Variants in PNPLA7 observed in about 807,000 individuals in gnomAD.
The protein encoded by PNPLA7 is patatin-like phospholipase domain-containing protein 7.
A neutral mutation model predicts 161.7 loss-of-function variants in PNPLA7; 153 were observed. The observed-to-expected ratio is 0.95, with a 90% confidence interval of 0.83 to 1.08. PNPLA7 has a LOEUF of 1.08. PNPLA7 is among the 50% of genes least tolerant of loss of function. The pLI, the probability that PNPLA7 is intolerant of heterozygous loss-of-function variation, is 0.00. For synonymous variants in PNPLA7, 809 were observed against 782.1 expected, an observed-to-expected ratio of 1.03 and a Z score of -0.57; for missense variants, 1,739 against 1,856.6, an observed-to-expected ratio of 0.94 and a Z score of 1.16.
Position 137,462,038 on chromosome 9 carries a change from C to A in PNPLA7, c.3649G>T (p.Val1217Leu). Reference protein sequence around the residue: ...DFGKFNEICEVGYQHGRTVFD... With the variant: ...DFGKFNEICELGYQHGRTVFD... ...ACCGTGCGCCCGTGCTGGTAGCCCA[C>A]TTCCTGTGCACACCCCCAGGGCCCC... The change falls in exon 32 of 35, where the codon GTG becomes TTG. Residue 1217 changes from valine to leucine, a missense_variant. Physicochemically the swap from Val to Leu is conservative, Grantham distance 32. This residue lies in a region of PNPLA7 where 703 missense variants were observed against 694.6 expected (regional missense o/e 1.01). Transcript: ENST00000406427. 6.3e-7 allele frequency: 1 copy of A among 1,592,200 alleles called. No individual in the cohort carries two copies.
chr9:137,478,871 C>T (rs545374332), intron 24 of PNPLA7, 185 bp downstream of exon 24: 7 of 855,802 alleles, frequency 8.2e-6, no homozygotes, highest in African/African-American at 3.5e-5. Flanking sequence ...GCTTCCTAGC[C>T]GTGGCCACCA....
chr9:137,462,710 C>CA lies in PNPLA7; in HGVS notation c.3466dup (p.Trp1156LeufsTer36), dbSNP rs1435011744. 1 of 1,613,800 alleles carries CA rather than the reference C, an allele frequency of 6.2e-7. No individual in the cohort carries two copies. Among genetic ancestry groups the CA allele is most frequent in the Non-Finnish European group, 8.5e-7 (1 of 1,180,008 alleles). Reference sequence around the variant, plus strand: ...CTTGACTTTCGTGGCCAAGGGGTTCCAGCGTTTCCACAGCAGCCACCACCC... The same window carrying CA: ...CTTGACTTTCGTGGCCAAGGGGTTCCAAGCGTTTCCACAGCAGCCACCACCC... On this transcript the variant is annotated frameshift_variant, in exon 30 of 35. Coordinates refer to ENST00000406427, the MANE Select transcript of PNPLA7 (RefSeq NM_001098537.3). LOFTEE classifies it high-confidence loss of function.
At chr9:137,491,845 T>A (rs1832778578) in intron 20 of PNPLA7, 1 of 985,168 alleles carries the variant, frequency 1.0e-6, no homozygotes, top group South Asian at 4.7e-5. Flanking sequence ...GGTCATGCAA[T>A]GTGTCGGGGG....
At chr9:137,496,359 G>A (rs2132254951) in intron 18 of PNPLA7, among the ~76,000 whole-genome samples, 1 of 151,936 alleles carries the variant, frequency 6.6e-6, no homozygotes. Flanking sequence ...CACCCACCTT[G>A]GCCTCCCAAA....
At position 137,540,660 on chromosome 9, in the gene PNPLA7, G is replaced by A; in HGVS notation, c.729C>T (p.Ser243=). Residue 243 remains serine (S), a synonymous_variant, in exon 8 of 35, where the codon AGC becomes AGT. Coordinates refer to ENST00000406427, the MANE Select transcript of PNPLA7 (RefSeq NM_001098537.3). The surrounding 1 kb of genome is among the most constrained non-coding windows in gnomAD (Gnocchi z 5.1). ...LAGDSVHSLL[S]ILDIITGHAA... ...GACTCACGGTGATGATGTCCAGGAT[G>A]CTGAGCAGGCTGTGGACGCTGTCTC... 6.2e-7 allele frequency: 1 copy of A among 1,611,976 alleles called. No individual in the cohort carries two copies. Among genetic ancestry groups the A allele is most frequent in the South Asian group, 1.1e-5 (1 of 90,732 alleles).
chr9:137,500,664 C>T lies in PNPLA7; in HGVS notation c.1757+27G>A, dbSNP rs1038070916. 5.6e-6 allele frequency: 9 copies of T among 1,608,058 alleles called. No individual in the cohort carries two copies. Among genetic ancestry groups the T allele is most frequent in the Admixed American group, 1.7e-5 (1 of 59,694 alleles). On this transcript the variant is annotated intron_variant, in intron 16 of 34. Transcript: ENST00000406427. The surrounding 1 kb of genome is among the most constrained non-coding windows in gnomAD (Gnocchi z 5.5). ...CAGGGCAGGGGGGGCTGGGGCCCGC[C>T]CTGAGGTCCTGGCCCGTGGGACTCA...
At chr9:137,469,778 G>C (rs1453109717) in intron 25 of PNPLA7, among the ~76,000 whole-genome samples, 1 of 152,170 alleles carries the variant, frequency 6.6e-6, no homozygotes, top group Non-Finnish European at 1.5e-5. Context: ...CCAATTCGAC[G>C]GACAGCCCGG....
intron 23 of PNPLA7, 111 bp downstream of exon 23, chr9:137,480,201 T>TATC: frequency 1.4e-6 from 2 of 1,404,598 alleles, no homozygotes; most frequent in Non-Finnish European, 1.9e-6. Flanking sequence ...TGTTGGCTCT[T>TATC]ATCATCTGTC....
chr9:137,503,628 G>C (rs887417349), intron 14 of PNPLA7, among the ~76,000 whole-genome samples: 2 of 143,642 alleles, frequency 1.4e-5, no homozygotes, highest in Non-Finnish European at 3.1e-5. Flanking sequence ...GGGAGAAGGA[G>C]GAGGGAGAAG....
rs1836193045 is a variant in PNPLA7, at chr9:137,541,367, C to CT, written c.667-646dup. On this transcript the variant is annotated intron_variant, in intron 7 of 34. Coordinates refer to ENST00000406427, the MANE Select transcript of PNPLA7 (RefSeq NM_001098537.3). The surrounding 1 kb of genome is among the most constrained non-coding windows in gnomAD (Gnocchi z 4.4). ...ACTGGCTCCAGCTTCCCCCAAGCCC[C>CT]TTTCCCTTCTAATAACCCATCAAGT... 1.0e-6 allele frequency: 1 copy of CT among 963,342 alleles called. No homozygotes were observed. The highest frequency in any genetic ancestry group is 6.2e-5 in the Admixed American group (1 of 16,238). The allele number at this position is 963,342 out of a possible 1,614,324, so 59.7% of individuals were successfully genotyped here.
intron 8 of PNPLA7, among the ~76,000 whole-genome samples, chr9:137,534,979 C>T (rs920609195): frequency 1.3e-5 from 2 of 152,110 alleles, no homozygotes; most frequent in East Asian, 1.9e-4. Flanking sequence ...TCCCTCCAAC[C>T]GCACGTTTTT....
Position 137,476,371 on chromosome 9 carries a change from G to C in PNPLA7, c.2882+1663C>G, listed in dbSNP as rs1831943848. 6.6e-6 allele frequency among the ~76,000 whole-genome samples: 1 copy of C among 152,168 alleles called. No individual in the cohort carries two copies. Among genetic ancestry groups the C allele is most frequent in the African/African-American group, 2.4e-5 (1 of 41,428 alleles). On this transcript the variant is annotated intron_variant, in intron 25 of 34. Coordinates refer to ENST00000406427, the MANE Select transcript of PNPLA7 (RefSeq NM_001098537.3). The surrounding 1 kb of genome is among the most constrained non-coding windows in gnomAD (Gnocchi z 4.5). ...TGTCATAACAACACAGACAGTGAGT[G>C]CTGGCTAACTAGTGATGGGACCACA... is the stretch of plus-strand genomic sequence containing the variant.
intron 21 of PNPLA7, among the ~76,000 whole-genome samples, chr9:137,482,453 G>A (rs879633350): frequency 1.1e-4 from 16 of 152,258 alleles, no homozygotes; most frequent in Admixed American, 2.0e-4. Context: ...TTGCGTGCAC[G>A]TGACTGAGTG....
intron 23 of PNPLA7, chr9:137,479,926 A>G (rs2132140772): frequency 2.0e-6 from 2 of 980,970 alleles, no homozygotes; most frequent in East Asian, 1.1e-4. Flanking sequence ...AAGCAGCCAG[A>G]AAAAGCAGTG....
In PNPLA7 at chr9:137,479,883, G is replaced by A. The variant is rs1423447439; in HGVS notation, c.2580+429C>T. 4.1e-6 allele frequency: 4 copies of A among 985,436 alleles called. No homozygotes were observed. In the East Asian group the frequency reaches 4.5e-4, roughly 112 times the overall value. The allele number at this position is 985,436 out of a possible 1,614,324, so 61.0% of individuals were successfully genotyped here. On this transcript the variant is annotated intron_variant, in intron 23 of 34. Coordinates refer to ENST00000406427, the MANE Select transcript of PNPLA7 (RefSeq NM_001098537.3). ...TGTTCCTGTTGGCTGAGGATGCAGA[G>A]GCAGAGGGTAAGGCATTCACAAGAG...
chr9:137,470,146 C>T (rs1831644824), intron 25 of PNPLA7, among the ~76,000 whole-genome samples: 1 of 152,128 alleles, frequency 6.6e-6, no homozygotes, highest in East Asian at 1.9e-4. Flanking sequence ...CCTGCCTCCG[C>T]CTCCCAAGTA....
In PNPLA7 at chr9:137,480,426, C is replaced by A. The variant is rs1454393734; in HGVS notation, c.2466G>T (p.Arg822Ser). 3.7e-6 allele frequency: 6 copies of A among 1,613,114 alleles called. No homozygotes were observed. The highest frequency in any genetic ancestry group is 5.1e-6 in the Non-Finnish European group (6 of 1,179,682). The change falls in exon 23 of 35, where the codon AGG (arginine) becomes AGT (serine). Residue 822 changes from arginine (R) to serine (S), a missense_variant. Coordinates refer to ENST00000406427, the MANE Select transcript of PNPLA7 (RefSeq NM_001098537.3). ...SWLGQQEDTHRIVLYQADGTL... is the reference protein window; with the variant it reads ...SWLGQQEDTHSIVLYQADGTL... ...TGCCATCTGCCTGGTAGAGCACGATCCTGTGGGTGTCCTCCTGCTGCCCCA... is the reference window on the plus strand; with the variant it reads ...TGCCATCTGCCTGGTAGAGCACGATACTGTGGGTGTCCTCCTGCTGCCCCA...
In PNPLA7 at chr9:137,478,144, C is replaced by T. The variant is rs1330102948; in HGVS notation, c.2772G>A (p.Met924Ile). 1 of 1,307,496 alleles carries T rather than the reference C, an allele frequency of 7.6e-7. No homozygotes were observed. The highest frequency in any genetic ancestry group is 1.5e-5 in the African/African-American group (1 of 65,048). The allele number at this position is 1,307,496 out of a possible 1,614,324, so 81.0% of individuals were successfully genotyped here. Residue 924 changes from methionine (M) to isoleucine (I), a missense_variant, in exon 25 of 35, where the codon ATG (methionine) becomes ATA (isoleucine). Met to Ile is a conservative substitution (Grantham distance 10, BLOSUM62 1). Around this residue, in one of 6 missense-constraint regions of PNPLA7, gnomAD observed 703 missense variants for 694.6 expected, o/e 1.01. Coordinates refer to ENST00000406427, the MANE Select transcript of PNPLA7 (RefSeq NM_001098537.3). ...SRRSLPKLVE[M>I]YKHVFQRPPD... ...GGGGCCGCTGGAAGACATGCTTGTACATCTCCACCTGGGGGAGGAGCCGTC... is the reference window on the plus strand; with the variant it reads ...GGGGCCGCTGGAAGACATGCTTGTATATCTCCACCTGGGGGAGGAGCCGTC...
At chr9:137,473,173 C>T (rs939548044) in intron 25 of PNPLA7, among the ~76,000 whole-genome samples, 1 of 152,140 alleles carries the variant, frequency 6.6e-6, no homozygotes, top group African/African-American at 2.4e-5. Flanking sequence ...TCAATTACCT[C>T]CCACCAGGTC....
Sources: gnomAD v4.1 joint callset for allele counts (sites outside exome capture counted in the v4.1 genomes callset) on GRCh38, gnomAD v4.1.1 for gene constraint, gnomAD v4.1.1 regional missense constraint, Gnocchi (gnomAD v3.1) non-coding constraint, MANE v1.5 for transcripts, NCBI Gene and HGNC (gene_info 2026-07-23, HGNC 2026-07-21) for gene names.